The following OPRM1 variants were observed in gnomAD, a reference collection of about 807,000 sequenced individuals.
OPRM1 encodes opioid receptor mu 1.
In OPRM1, 27 loss-of-function variants were observed where a neutral mutation model predicts 31.8. The ratio of observed to expected loss-of-function variants is 0.85; its 90% CI spans 0.63 to 1.17. The LOEUF is 1.17. OPRM1 is among the 50% of genes most tolerant of loss of function. The pLI, the probability that OPRM1 is intolerant of heterozygous loss-of-function variation, is 0.00. For synonymous variants in OPRM1, 196 were observed against 189.9 expected, an observed-to-expected ratio of 1.03 and a Z score of -0.26; for missense variants, 536 against 511.1, an observed-to-expected ratio of 1.05 and a Z score of -0.47.
At position 154,152,347 on chromosome 6, in the gene OPRM1, G is replaced by GAAAGAAAGAAAGAAAAGAAAGAAA; in HGVS notation, c.1164+60875_1164+60876insAAAGAAAGAAAGAAAAGAAAGAAA. Among the ~76,000 whole-genome samples the GAAAGAAAGAAAGAAAAGAAAGAAA allele has an allele frequency of 6.1e-5, 4 of 65,202 alleles. No homozygotes were observed. In the South Asian group the frequency reaches 1.9e-3, roughly 31 times the overall value. The allele number at this position is 65,202 out of a possible 152,430, so 42.8% of individuals were successfully genotyped here. A position where few individuals can be genotyped will look rare whatever the true frequency, so the allele number is the denominator to read the frequency against. On this transcript the variant is annotated intron_variant, in intron 3 of 3. Transcript: ENST00000337049. ...AGAAAGAAAGAAAGAAAGAAAGAAA[G>GAAAGAAAGAAAGAAAAGAAAGAAA]GAAAGAAAGAAAGAAAGAAAGAAAG...
At chr6:154,016,701 T>G (rs1004469904) in intron 1 of OPRM1, among the ~76,000 whole-genome samples, 4 of 152,238 alleles carry the variant, frequency 2.6e-5, no homozygotes, top group African/African-American at 9.6e-5. Context: ...ATTCAAATTT[T>G]GTCATATGAC....
intron 3 of OPRM1, among the ~76,000 whole-genome samples, chr6:154,238,673 C>T (rs1013895200): frequency 1.3e-5 from 2 of 152,042 alleles, no homozygotes; most frequent in African/African-American, 4.8e-5. Context: ...CCTATGAGCA[C>T]ATACTACTGT....
intron 3 of OPRM1, among the ~76,000 whole-genome samples, chr6:154,109,356 G>A (rs1014603833): frequency 1.3e-5 from 2 of 152,152 alleles, no homozygotes; most frequent in Non-Finnish European, 2.9e-5. Context: ...TAAAATGTAA[G>A]CCACTTTCTT....
At chr6:154,091,636 G>C in intron 3 of OPRM1, 164 bp downstream of exon 3, 1 of 1,418,680 alleles carries the variant, frequency 7.0e-7, no homozygotes, top group South Asian at 1.6e-5. Context: ...TATATAAACT[G>C]TGTTCTTTAT....
rs1420268471 is a variant in OPRM1 at position 154,168,799 on chromosome 6, T to C, written c.1164+77327T>C. Reference sequence around the variant, plus strand: ...TTTTATATTTTTAGTACAGACAGGGTTTCACCATGTTGCCCAGGCTGGTCT... The same window carrying C: ...TTTTATATTTTTAGTACAGACAGGGCTTCACCATGTTGCCCAGGCTGGTCT... On this transcript the variant is annotated intron_variant, in intron 3 of 3. Coordinates refer to the OPRM1 transcript ENST00000337049. The surrounding 1 kb of genome is among the most constrained non-coding windows in gnomAD (Gnocchi z 4.1). Among the ~76,000 whole-genome samples, 1 of 151,650 alleles carries C rather than the reference T, an allele frequency of 6.6e-6. No homozygotes were observed. Among genetic ancestry groups the C allele is most frequent in the East Asian group, 2.0e-4 (1 of 5,112 alleles).
At chr6:154,041,348 T>C (rs1371265175) in intron 1 of OPRM1, among the ~76,000 whole-genome samples, 2 of 152,196 alleles carry the variant, frequency 1.3e-5, no homozygotes, top group African/African-American at 4.8e-5. Context: ...ACATTTACTT[T>C]AAGTAATTCA....
intron 3 of OPRM1, among the ~76,000 whole-genome samples, chr6:154,102,557 T>C (rs907558673): frequency 6.6e-6 from 1 of 152,140 alleles, no homozygotes; most frequent in African/African-American, 2.4e-5. Flanking sequence ...AACCCAAGCC[T>C]TCTCAACCTT....
At chr6:154,025,084 G>C (rs565101020) in intron 1 of OPRM1, among the ~76,000 whole-genome samples, 4 of 152,004 alleles carry the variant, frequency 2.6e-5, no homozygotes, top group African/African-American at 9.7e-5. Flanking sequence ...TTGATTTTCT[G>C]TCTGGAAGAT....
At chr6:154,025,888 T>A (rs1412920472) in intron 1 of OPRM1, among the ~76,000 whole-genome samples, 1 of 152,154 alleles carries the variant, frequency 6.6e-6, no homozygotes, top group East Asian at 1.9e-4. Context: ...CTTATTGTAC[T>A]GCTTATGTCT....
chr6:154,023,551 T>C (rs1778512051), intron 1 of OPRM1, among the ~76,000 whole-genome samples: 1 of 152,132 alleles, frequency 6.6e-6, no homozygotes, highest in East Asian at 1.9e-4. Context: ...CTTTCTCTTG[T>C]CTGATTGCTC....
chr6:154,199,805 G>A (rs1355051668), intron 3 of OPRM1: 8 of 1,614,070 alleles, frequency 5.0e-6, no homozygotes, highest in Non-Finnish European at 6.8e-6. Context: ...GTTTTCCAGG[G>A]CCTTGTGGAT....
At chr6:154,089,582 A>AT (rs1791518311) in intron 1 of OPRM1, among the ~76,000 whole-genome samples, 1 of 64,330 alleles carries the variant, frequency 1.6e-5, no homozygotes, top group African/African-American at 8.8e-5. Flanking sequence ...GCAAGATCCT[A>AT]TCCAAAAAAA....
intron 3 of OPRM1, among the ~76,000 whole-genome samples, chr6:154,169,618 G>GT (rs1174188060): frequency 6.6e-6 from 1 of 152,176 alleles, no homozygotes; most frequent in Non-Finnish European, 1.5e-5. Context: ...GTGGTCTGTG[G>GT]TTTTGAGTAG....
chr6:154,220,329 T>G (rs1300266915), intron 3 of OPRM1, among the ~76,000 whole-genome samples: 3 of 152,124 alleles, frequency 2.0e-5, no homozygotes, highest in East Asian at 3.9e-4. Context: ...CCCTCTGATA[T>G]CTCCAATCAG....
chr6:154,232,236 G>C (rs921469955), intron 3 of OPRM1, among the ~76,000 whole-genome samples: 4 of 152,070 alleles, frequency 2.6e-5, no homozygotes, highest in Admixed American at 1.3e-4. Context: ...TATTAGCATC[G>C]GGCTGTGACA....
intron 3 of OPRM1, among the ~76,000 whole-genome samples, chr6:154,193,836 AT>A (rs1182808079): frequency 1.3e-5 from 2 of 152,146 alleles, no homozygotes; most frequent in East Asian, 1.9e-4. Flanking sequence ...AATACTCCCT[AT>A]TTTTTTCTTC....
intron 3 of OPRM1, among the ~76,000 whole-genome samples, chr6:154,152,323 G>GAAAAGA (rs1301926440): frequency 7.3e-4 from 23 of 31,678 alleles, no homozygotes; most frequent in South Asian, 5.0e-3. Context: ...AAGAAAGAAA[G>GAAAAGA]AAAGAAAGAA....
At chr6:154,040,776 C>G (rs1037304154) in intron 1 of OPRM1, among the ~76,000 whole-genome samples, 1 of 152,186 alleles carries the variant, frequency 6.6e-6, no homozygotes, top group Non-Finnish European at 1.5e-5. Context: ...TTGTAGTCCA[C>G]TTTCTGTTTA....
intron 3 of OPRM1, among the ~76,000 whole-genome samples, chr6:154,152,058 T>G (rs1029904757): frequency 4.0e-5 from 6 of 150,528 alleles, no homozygotes; most frequent in African/African-American, 1.5e-4. Context: ...AGGCCTGTAA[T>G]CCCAGCTATT....
Sources: allele counts gnomAD v4.1 joint callset (sites outside exome capture counted in the v4.1 genomes callset), GRCh38; gene constraint gnomAD v4.1.1; non-coding constraint Gnocchi (gnomAD v3.1); transcripts MANE v1.5; gene names NCBI Gene and HGNC (gene_info 2026-07-23, HGNC 2026-07-21).